The following MBP variants were observed in gnomAD, a reference collection of about 807,000 sequenced individuals.
MBP encodes the protein myelin basic protein.
Under a neutral mutation model 35.8 loss-of-function variants are expected in MBP, and 16 were observed. The observed-to-expected ratio is 0.45, with a 90% confidence interval of 0.30 to 0.68. MBP has a LOEUF of 0.68. Among genes scored for constraint, MBP ranks in the 30% least tolerant of loss-of-function variants. MBP has a pLI of 0.08. For synonymous variants in MBP, 143 were observed against 159.6 expected (o/e 0.90, Z 0.78); for missense variants, 380 against 404.7 (o/e 0.94, Z 0.52).
At chr18:77,132,168 C>T (rs1977301848) in intron 1 of MBP, among the ~76,000 whole-genome samples, 1 of 152,204 alleles carries the variant, frequency 6.6e-6, no homozygotes, top group Non-Finnish European at 1.5e-5. Context: ...CCCCTCAGCC[C>T]CACGGCCCGA....
Position 77,102,129 on chromosome 18 carries a change from G to A in MBP, c.51+3082C>T, listed in dbSNP as rs1022427601. ...AGGAAAGAATCATCTAGTGTGGGTG[G>A]GGAGAGGTGGAGAAGGTGGCAGCAG... On this transcript the variant is annotated intron_variant, in intron 2 of 8. Coordinates refer to ENST00000355994, the MANE Select transcript of MBP (RefSeq NM_001025101.2). This position sits in a 1 kb window ranked among gnomAD's most constrained non-coding sequence, Gnocchi z 4.4. Among the ~76,000 whole-genome samples, 3 of 152,100 alleles carry A rather than the reference G, an allele frequency of 2.0e-5. No individual in the cohort carries two copies. Among genetic ancestry groups the A allele is most frequent in the Non-Finnish European group, 4.4e-5 (3 of 68,012 alleles).
chr18:77,117,077 A>T (rs550336630), intron 1 of MBP, among the ~76,000 whole-genome samples: 1 of 152,300 alleles, frequency 6.6e-6, no homozygotes, highest in African/African-American at 2.4e-5. Context: ...AAAAGGCTAG[A>T]GGGTGCTTTC....
At chr18:77,003,917 G>T (rs1275082289) in intron 4 of MBP, 1 of 152,108 alleles carries the variant, frequency 6.6e-6, no homozygotes, top group Non-Finnish European at 1.5e-5. Context: ...CCTAAAAACC[G>T]GTGGGAGTGG....
At chr18:77,071,177 T>C (rs1239982029) in intron 2 of MBP, among the ~76,000 whole-genome samples, 1 of 152,168 alleles carries the variant, frequency 6.6e-6, no homozygotes, top group Non-Finnish European at 1.5e-5. Flanking sequence ...TTATACAGCA[T>C]ATTCTTAAAG....
intron 4 of MBP, among the ~76,000 whole-genome samples, chr18:76,992,324 A>G (rs1969978576): frequency 6.6e-6 from 1 of 152,160 alleles, no homozygotes. Context: ...CATTCCCAGT[A>G]GGGTTTGCTC....
intron 3 of MBP, among the ~76,000 whole-genome samples, chr18:77,033,915 G>C (rs1972644609): frequency 6.6e-6 from 1 of 151,934 alleles, no homozygotes; most frequent in African/African-American, 2.4e-5. Context: ...ATAGTGCCTT[G>C]AGTTAGGCAC....
At chr18:77,088,753 C>T (rs1226312498) in intron 2 of MBP, among the ~76,000 whole-genome samples, 1 of 152,154 alleles carries the variant, frequency 6.6e-6, no homozygotes, top group Non-Finnish European at 1.5e-5. Flanking sequence ...ATATTCAAAT[C>T]ATTAATGATC....
chr18:77,047,395 G>T (rs540528864), intron 3 of MBP, among the ~76,000 whole-genome samples: 1 of 152,350 alleles, frequency 6.6e-6, no homozygotes, highest in South Asian at 2.1e-4. Context: ...AAAACACCAC[G>T]CATTTACAGG....
At chr18:77,068,016 C>CGTGTGTGTGTGTGT (rs56090018) in intron 2 of MBP, among the ~76,000 whole-genome samples, 6 of 149,722 alleles carry the variant, frequency 4.0e-5, no homozygotes, top group South Asian at 4.2e-4. Context: ...CCCTCCATCC[C>CGTGTGTGTGTGTGT]GTGTGTGTGT....
In MBP at chr18:77,101,967, G is replaced by C. The variant is rs1386476820; in HGVS notation, c.51+3244C>G. ...CATCTGTAAGCCAGTTATGTGCTGGGGATGCTCCAGGCTTAGAGACGGAGG... is the reference window on the plus strand; with the variant it reads ...CATCTGTAAGCCAGTTATGTGCTGGCGATGCTCCAGGCTTAGAGACGGAGG... On this transcript the variant is annotated intron_variant, in intron 2 of 8. Coordinates refer to ENST00000355994, the MANE Select transcript of MBP (RefSeq NM_001025101.2). The surrounding 1 kb of genome is among the most constrained non-coding windows in gnomAD (Gnocchi z 4.3). 6.6e-6 allele frequency among the ~76,000 whole-genome samples: 1 copy of C among 152,266 alleles called. No individual in the cohort carries two copies. The highest frequency in any genetic ancestry group is 2.4e-5 in the African/African-American group (1 of 41,540).
At chr18:77,016,742 C>T (rs1971663106) in intron 4 of MBP, 90 bp downstream of exon 4, 1 of 1,531,220 alleles carries the variant, frequency 6.5e-7, no homozygotes, top group Non-Finnish European at 8.8e-7. Flanking sequence ...GGCTACGTGC[C>T]AGTTCTTCCT....
At chr18:77,063,922 G>A (rs1974087939) in intron 3 of MBP, among the ~76,000 whole-genome samples, 1 of 146,050 alleles carries the variant, frequency 6.8e-6, no homozygotes, top group Non-Finnish European at 1.5e-5. Flanking sequence ...GTGTGTGTGT[G>A]TATGTGTGTA....
intron 2 of MBP, among the ~76,000 whole-genome samples, chr18:77,092,367 T>C (rs1975567881): frequency 6.6e-6 from 1 of 152,068 alleles, no homozygotes; most frequent in Admixed American, 6.6e-5. Context: ...CCTCCACTCT[T>C]CCAGGAAGGA....
chr18:76,989,001 A>T lies in MBP; in HGVS notation c.682-89T>A. ...GGGCTCCTGCCTGCTGAGGGTGGCT[A>T]GCATCCATCAGCTGCCAGAAGCACC... is the stretch of plus-strand genomic sequence containing the variant. On this transcript the variant is annotated intron_variant, in intron 5 of 8. Transcript: ENST00000355994. The surrounding 1 kb of genome is among the most constrained non-coding windows in gnomAD (Gnocchi z 4.0). 7.9e-7 allele frequency: 1 copy of T among 1,266,596 alleles called. No individual in the cohort carries two copies. Among genetic ancestry groups the T allele is most frequent in the Non-Finnish European group, 1.2e-6 (1 of 863,052 alleles). 78.5% of individuals were successfully genotyped at this position (1,266,596 alleles called of 1,614,324 possible).
In MBP at chr18:76,980,030, G is replaced by T. The variant is rs1485831853; in HGVS notation, c.*397C>A. The T allele has an allele frequency of 4.3e-6, 3 of 702,574 alleles. No individual in the cohort carries two copies. In the Admixed American group the frequency reaches 6.0e-5, roughly 14 times the overall value. 43.5% of individuals were successfully genotyped at this position (702,574 alleles called of 1,614,324 possible). A position where few individuals can be genotyped will look rare whatever the true frequency, so the allele number is the denominator to read the frequency against. ...CGCCCACGTCCTCTCTGTCTCTGCA[G>T]CTGTGTGCCTCCATGGCAGTGACCA... On this transcript the variant is annotated 3_prime_UTR_variant, in exon 9 of 9. Coordinates refer to ENST00000355994, the MANE Select transcript of MBP (RefSeq NM_001025101.2).
intron 3 of MBP, among the ~76,000 whole-genome samples, chr18:77,024,649 C>T (rs560876177): frequency 2.0e-4 from 31 of 152,310 alleles, no homozygotes; most frequent in Middle Eastern, 3.4e-3. Context: ...ATGTGGGCGA[C>T]GGAGAATCGG....
chr18:77,058,777 G>A (rs1048875577), intron 3 of MBP, among the ~76,000 whole-genome samples: 3 of 152,354 alleles, frequency 2.0e-5, no homozygotes, highest in Admixed American at 6.5e-5. Context: ...GGAGATGGGG[G>A]CTCCTCGGCC....
In MBP at chr18:77,020,520, G is replaced by A. The variant is rs1243513331; in HGVS notation, c.140-3252C>T. On this transcript the variant is annotated intron_variant, in intron 3 of 8. Transcript: ENST00000355994. The surrounding 1 kb of genome is among the most constrained non-coding windows in gnomAD (Gnocchi z 4.1). Reference sequence around the variant, plus strand: ...TGACTCATTGCAATGAGAGGTGCATGGCGAAGTCCAGGAACCCCTCCTCAG... The same window carrying A: ...TGACTCATTGCAATGAGAGGTGCATAGCGAAGTCCAGGAACCCCTCCTCAG... Among the ~76,000 whole-genome samples the A allele has an allele frequency of 6.6e-6, 1 of 152,160 alleles. No individual in the cohort carries two copies. The highest frequency in any genetic ancestry group is 1.5e-5 in the Non-Finnish European group (1 of 68,030).
intron 4 of MBP, among the ~76,000 whole-genome samples, chr18:77,010,555 A>T (rs1164846258): frequency 1.3e-5 from 2 of 152,232 alleles, no homozygotes; most frequent in Non-Finnish European, 2.9e-5. Flanking sequence ...TTTAGGAGCA[A>T]TAGTGTTCAA....
Sources: allele counts gnomAD v4.1 joint callset (sites outside exome capture counted in the v4.1 genomes callset), GRCh38; gene constraint gnomAD v4.1.1; non-coding constraint Gnocchi (gnomAD v3.1); transcripts MANE v1.5; gene names NCBI Gene and HGNC (gene_info 2026-07-23, HGNC 2026-07-21).